The following USP22 variants were observed in gnomAD, a reference collection of about 807,000 sequenced individuals.
USP22 encodes the protein ubiquitin specific peptidase 22.
In USP22, 22 loss-of-function variants were observed where a neutral mutation model predicts 68.1. That is an observed-to-expected ratio of 0.32 (90% CI 0.23 to 0.46). The LOEUF (loss-of-function observed/expected upper bound fraction) is 0.46, where lower values mean the gene tolerates loss of function less well. Ranked by LOEUF, USP22 falls within the 20% of genes least tolerant of loss-of-function variation. The pLI is 1.00. For synonymous variants in USP22, 279 were observed against 274.2 expected (o/e 1.02, Z -0.17); for missense variants, 433 against 695.8 (o/e 0.62, Z 4.25).
intron 10 of USP22, among the ~76,000 whole-genome samples, chr17:21,006,179 A>C (rs544967819): frequency 2.0e-5 from 3 of 152,198 alleles, no homozygotes; most frequent in Admixed American, 6.5e-5. Context: ...GAACCACAGG[A>C]AACTCCTATG....
At chr17:21,033,615 C>T (rs1781626711) in intron 1 of USP22, among the ~76,000 whole-genome samples, 1 of 152,190 alleles carries the variant, frequency 6.6e-6, no homozygotes, top group African/African-American at 2.4e-5. Flanking sequence ...AGAGCTAGTG[C>T]ACTTTTCACA....
At chr17:21,011,394 T>C in intron 7 of USP22, 85 bp from the exon 8 acceptor site, 1 of 1,496,694 alleles carries the variant, frequency 6.7e-7, no homozygotes, top group Non-Finnish European at 9.0e-7. Flanking sequence ...CGTTCCCACA[T>C]CCCTTCCCCG....
chr17:21,018,457 T>C (rs1972114872), intron 4 of USP22: 1 of 183,896 alleles, frequency 5.4e-6, no homozygotes, highest in Admixed American at 5.4e-5. Flanking sequence ...GGCTCATACT[T>C]GTAACCCAGC....
At chr17:21,004,063 G>C (rs574952966) in intron 12 of USP22, 139 bp downstream of exon 12, 1 of 1,256,648 alleles carries the variant, frequency 8.0e-7, no homozygotes, top group East Asian at 2.5e-5. Flanking sequence ...ATCCTATCCA[G>C]AACAGGCTTC....
At chr17:21,035,661 A>G (rs181900785) in intron 1 of USP22, among the ~76,000 whole-genome samples, 1 of 152,344 alleles carries the variant, frequency 6.6e-6, no homozygotes, top group East Asian at 1.9e-4. Flanking sequence ...AAAGGAATGA[A>G]GAGAGAACCT....
chr17:21,011,054 T>C lies in USP22; in HGVS notation c.1103+97A>G, dbSNP rs1913951580. The stretch of plus-strand genomic sequence containing the variant: ...TCATGCTGCACCTTTGCCCAGGCTC[T>C]GTCCTGGGCATGTGAAAGAGCCCTG... On this transcript the variant is annotated intron_variant, in intron 8 of 12. Coordinates refer to ENST00000261497, the MANE Select transcript of USP22 (RefSeq NM_015276.2). 1.9e-5 allele frequency: 28 copies of C among 1,444,956 alleles called. No homozygotes were observed. The East Asian group carries it at 6.7e-4, about 34-fold the overall frequency. 89.5% of individuals were successfully genotyped at this position (1,444,956 alleles called of 1,614,324 possible).
At chr17:21,022,730 C>T (rs1050929316) in intron 2 of USP22, among the ~76,000 whole-genome samples, 22 of 149,240 alleles carry the variant, frequency 1.5e-4, no homozygotes, top group Non-Finnish European at 2.5e-4. Flanking sequence ...ACCTGGGAGG[C>T]GGAGCTTGCT....
In USP22 at chr17:21,004,827, A is replaced by T; in HGVS notation, c.1385+101T>A. ...CGGGCAGCCAAGCGGGAAGCAGGTC[A>T]GTGGCGGGGGATCCGCTGGGCGCCC... is the stretch of plus-strand genomic sequence containing the variant. On this transcript the variant is annotated intron_variant, in intron 11 of 12. Transcript: ENST00000261497. 2.2e-6 allele frequency: 3 copies of T among 1,337,110 alleles called. 1 individual carries two copies. The South Asian group carries it at 4.0e-5, about 18-fold the overall frequency. 82.8% of individuals were successfully genotyped at this position (1,337,110 alleles called of 1,614,324 possible). A position where few individuals can be genotyped will look rare whatever the true frequency, so the allele number is the denominator to read the frequency against.
chr17:21,014,494 A>C (rs1914070784), intron 6 of USP22, among the ~76,000 whole-genome samples: 2 of 152,230 alleles, frequency 1.3e-5, no homozygotes, highest in African/African-American at 4.8e-5. Context: ...GTAAGAATTA[A>C]AAGGATCACG....
Position 21,006,879 on chromosome 17 carries a change from C to T in USP22, c.1322+17G>A. The T allele has an allele frequency of 6.3e-7, 1 of 1,585,098 alleles. No individual in the cohort carries two copies. Among genetic ancestry groups the T allele is most frequent in the Non-Finnish European group, 8.6e-7 (1 of 1,164,790 alleles). On this transcript the variant is annotated intron_variant, in intron 10 of 12. Transcript: ENST00000261497. ...ACAGCCCCTCAGGACACAGAACGGG[C>T]CTACAACCCCACATACCTGGAGGCC...
intron 8 of USP22, among the ~76,000 whole-genome samples, chr17:21,008,313 C>G (rs1429543558): frequency 2.6e-5 from 4 of 152,112 alleles, no homozygotes; most frequent in African/African-American, 9.7e-5. Flanking sequence ...AAACTGTCCA[C>G]AAATGTGCAC....
upstream of USP22, chr17:21,043,093 G>T (rs1972465690): frequency 5.3e-6 from 1 of 189,304 alleles, no homozygotes; most frequent in Non-Finnish European, 1.1e-5. Context: ...CGCGGGGCGG[G>T]GCGCCGCGGC....
rs909561614 is a variant in USP22 at position 21,002,884 on chromosome 17, G to C, written c.*147C>G. The C allele has an allele frequency of 1.2e-5, 11 of 956,464 alleles. No homozygotes were observed. In the Admixed American group the frequency reaches 2.0e-4, roughly 17 times the overall value. The allele number at this position is 956,464 out of a possible 1,614,324, so 59.2% of individuals were successfully genotyped here. On this transcript the variant is annotated 3_prime_UTR_variant, in exon 13 of 13. Coordinates refer to ENST00000261497, the MANE Select transcript of USP22 (RefSeq NM_015276.2). ...TCCATCCCGACCCGATGGGTCCCAG[G>C]TGCAGAGGGGCCACATCTGCATGGG...
intron 8 of USP22, 120 bp from the exon 9 acceptor site, chr17:21,008,116 C>A: frequency 8.1e-7 from 1 of 1,229,932 alleles, no homozygotes; most frequent in Non-Finnish European, 1.1e-6. Context: ...CATACACTTA[C>A]AACTAAAAAT....
chr17:21,019,027 T>C lies in USP22; in HGVS notation c.520+57A>G, dbSNP rs1363939986. 1.9e-6 allele frequency: 3 copies of C among 1,563,292 alleles called. No individual in the cohort carries two copies. In the African/African-American group the frequency reaches 4.1e-5, roughly 21 times the overall value. ...GACTTAAGAAACCCACAATTCTGTA[T>C]TTACTTTTAAACCCTGGAAAGAAGC... On this transcript the variant is annotated intron_variant, in intron 4 of 12. Transcript: ENST00000261497.
At chr17:21,040,750 A>C (rs1367996390) in intron 1 of USP22, among the ~76,000 whole-genome samples, 1 of 152,208 alleles carries the variant, frequency 6.6e-6, no homozygotes, top group Admixed American at 6.5e-5. Flanking sequence ...AAAAGGAGGG[A>C]GAGGAAGAGT....
At chr17:21,034,364 T>C (rs922414960) in intron 1 of USP22, among the ~76,000 whole-genome samples, 6 of 152,172 alleles carry the variant, frequency 3.9e-5, no homozygotes, top group African/African-American at 1.4e-4. Flanking sequence ...ACCTAAAAAG[T>C]GTATCCCAAC....
intron 2 of USP22, among the ~76,000 whole-genome samples, chr17:21,023,514 G>A (rs1320808232): frequency 6.6e-6 from 1 of 151,840 alleles, no homozygotes; most frequent in Non-Finnish European, 1.5e-5. Flanking sequence ...GTGTGGTGGT[G>A]TGTGTCTAAG....
At chr17:21,008,171 G>T (rs1913836822) in intron 8 of USP22, among the ~76,000 whole-genome samples, 175 bp from the exon 9 acceptor site, 1 of 152,212 alleles carries the variant, frequency 6.6e-6, no homozygotes, top group Non-Finnish European at 1.5e-5. Context: ...TTTGCTGCCT[G>T]TCTCTACAGA....
Sources: allele counts gnomAD v4.1 joint callset (sites outside exome capture counted in the v4.1 genomes callset), GRCh38; gene constraint gnomAD v4.1.1; transcripts MANE v1.5; gene names NCBI Gene and HGNC (gene_info 2026-07-23, HGNC 2026-07-21).